HEBP2: variants seen among roughly 807,000 people sequenced by gnomAD.
HEBP2 encodes the protein heme binding protein 2.
Under a neutral mutation model 23.1 loss-of-function variants are expected in HEBP2, and 27 were observed. That is an observed-to-expected ratio of 1.17 (90% CI 0.86 to 1.61). The LOEUF (loss-of-function observed/expected upper bound fraction) is 1.61, where lower values mean the gene tolerates loss of function less well. HEBP2 is among the 40% of genes most tolerant of loss of function. HEBP2 has a pLI of 0.00. For missense variants in HEBP2, 245 were observed against 253.8 expected (o/e 0.97, Z 0.24); for synonymous variants, 99 against 95.1 (o/e 1.04, Z -0.24).
At chr6:138,411,974 G>A (rs1774753515) in intron 3 of HEBP2, 1 of 395,546 alleles carries the variant, frequency 2.5e-6, no homozygotes. Context: ...ACCTCAGGAT[G>A]TATAGAGAGA....
chr6:138,406,239 T>C, intron 3 of HEBP2, 88 bp downstream of exon 3: 1 of 1,163,742 alleles, frequency 8.6e-7, no homozygotes, highest in Non-Finnish European at 1.2e-6. Context: ...TTCAAAAGGC[T>C]TTTTCACCCT....
At position 138,413,095 on chromosome 6, in the gene HEBP2, T is replaced by C; in HGVS notation, c.*17T>C. 1 of 1,597,996 alleles carries C rather than the reference T, an allele frequency of 6.3e-7. No homozygotes were observed. Among genetic ancestry groups the C allele is most frequent in the Non-Finnish European group, 8.6e-7 (1 of 1,166,766 alleles). ...AACGAATGAGAAAAATGAAAGGAAG[T>C]TCTGCTGTCAGAGGCAAAACATCTG... On this transcript the variant is annotated 3_prime_UTR_variant, in exon 4 of 4. Coordinates refer to ENST00000607197, the MANE Select transcript of HEBP2 (RefSeq NM_014320.3).
rs892724196 is a variant in HEBP2 at position 138,421,121 on chromosome 6, C to G, written c.*8043C>G. On this transcript the variant is annotated 3_prime_UTR_variant, in exon 4 of 4. Coordinates refer to ENST00000607197, the MANE Select transcript of HEBP2 (RefSeq NM_014320.3). The stretch of plus-strand genomic sequence containing the variant: ...TTATTAAGGAAAGTGGCGCAACAAT[C>G]AGGTCCATGTTTCATTCAAATGACC... The G allele has an allele frequency of 4.6e-5, 7 of 152,190 alleles. No individual in the cohort carries two copies. The highest frequency in any genetic ancestry group is 1.7e-4 in the African/African-American group (7 of 41,436). The allele number at this position is 152,190 out of a possible 1,614,324, so 9.4% of individuals were successfully genotyped here.
At position 138,407,753 on chromosome 6, in the gene HEBP2, T is replaced by C. The variant is rs1210745237; in HGVS notation, c.419+1602T>C. On this transcript the variant is annotated intron_variant, in intron 3 of 3. Coordinates refer to ENST00000607197, the MANE Select transcript of HEBP2 (RefSeq NM_014320.3). Reference sequence around the variant, plus strand: ...GCAGCTCCATCCTTCAAGGTGGAGGTAGCCACACCCCCACAGCTCATGTAC... The same window carrying C: ...GCAGCTCCATCCTTCAAGGTGGAGGCAGCCACACCCCCACAGCTCATGTAC... 3.3e-5 allele frequency among the ~76,000 whole-genome samples: 5 copies of C among 152,140 alleles called. No homozygotes were observed. In the East Asian group the frequency reaches 9.6e-4, roughly 29 times the overall value.
rs1390441413 is a variant in HEBP2 at position 138,404,515 on chromosome 6, C to T, written c.20C>T (p.Pro7Leu). 3 of 1,315,554 alleles carry T rather than the reference C, an allele frequency of 2.3e-6. No homozygotes were observed. The highest frequency in any genetic ancestry group is 3.1e-5 in the East Asian group (1 of 32,118). The allele number at this position is 1,315,554 out of a possible 1,614,324, so 81.5% of individuals were successfully genotyped here. ...CCGCCCATGGCCGAGCCGCTCCAGCCAGACCCCGGGGCGGCCGAGGACGCG... is the reference window on the plus strand; with the variant it reads ...CCGCCCATGGCCGAGCCGCTCCAGCTAGACCCCGGGGCGGCCGAGGACGCG... MAEPLQ[P>L]DPGAAEDAAA... Residue 7 changes from proline to leucine, a missense_variant, in exon 1 of 4, where the codon CCA becomes CTA. Physicochemically the swap from Pro to Leu is moderately conservative, Grantham distance 98. Transcript: ENST00000607197.
Position 138,404,467 on chromosome 6 carries a change from AC to A in HEBP2, c.-27del. 1 of 1,251,778 alleles carries A rather than the reference AC, an allele frequency of 8.0e-7. No homozygotes were observed. The highest frequency in any genetic ancestry group is 1.0e-6 in the Non-Finnish European group (1 of 997,600). The allele number at this position is 1,251,778 out of a possible 1,614,324, so 77.5% of individuals were successfully genotyped here. On this transcript the variant is annotated 5_prime_UTR_variant, in exon 1 of 4. Coordinates refer to ENST00000607197, the MANE Select transcript of HEBP2 (RefSeq NM_014320.3). ...GGGGTGCGGGGCCTCTGCGCGGCTG[AC>A]CAGGCTCCCAGAGCGTCAGCGCCGC...
rs1774622313 is a variant in HEBP2 at position 138,405,198 on chromosome 6, C to G, written c.156C>G (p.Ser52=). Residue 52 remains serine (S), a synonymous_variant, in exon 2 of 4, where the codon TCC becomes TCG. Coordinates refer to ENST00000607197, the MANE Select transcript of HEBP2 (RefSeq NM_014320.3). ...HYGPAKWVST[S]VESMDWDSAI... is the part of the protein sequence containing the mutation. ...GACCAGCCAAGTGGGTCAGCACGTC[C>G]GTGGAGTCTATGGACTGGGATTCAG... is the stretch of plus-strand genomic sequence containing the variant. 6.2e-7 allele frequency: 1 copy of G among 1,614,112 alleles called. No homozygotes were observed. Among genetic ancestry groups the G allele is most frequent in the Admixed American group, 1.7e-5 (1 of 60,012 alleles).
intron 3 of HEBP2, among the ~76,000 whole-genome samples, chr6:138,410,452 T>C (rs1198944864): frequency 6.6e-6 from 1 of 151,800 alleles, no homozygotes; most frequent in Non-Finnish European, 1.5e-5. Context: ...AAATAAATAA[T>C]ACATTTAAGA....
intron 2 of HEBP2, among the ~76,000 whole-genome samples, 184 bp from the exon 3 acceptor site, chr6:138,405,787 T>C (rs1393986354): frequency 6.6e-6 from 1 of 152,170 alleles, no homozygotes; most frequent in Admixed American, 6.5e-5. Context: ...TTACAGAAAG[T>C]GGTTTAATGT....
chr6:138,410,722 G>A (rs989816189), intron 3 of HEBP2, among the ~76,000 whole-genome samples: 1 of 152,114 alleles, frequency 6.6e-6, no homozygotes, highest in Non-Finnish European at 1.5e-5. Flanking sequence ...CTGACCTCAG[G>A]TGATCCACCC....
chr6:138,406,050 C>A lies in HEBP2; in HGVS notation c.318C>A (p.Thr106=), dbSNP rs752232541. Residue 106 remains threonine, a synonymous_variant, in exon 3 of 4, where the codon ACC becomes ACA. Transcript: ENST00000607197. ...GSGPFSESTI[T]ISLYIPSEQQ... Reference sequence around the variant, plus strand: ...GTCCTTTTAGTGAGTCTACCATTACCATTTCCCTGTATATTCCCTCTGAAC... The same window carrying A: ...GTCCTTTTAGTGAGTCTACCATTACAATTTCCCTGTATATTCCCTCTGAAC... 6 of 1,613,962 alleles carry A rather than the reference C, an allele frequency of 3.7e-6. No individual in the cohort carries two copies. In the African/African-American group the frequency reaches 8.0e-5, roughly 22 times the overall value.
intron 3 of HEBP2, among the ~76,000 whole-genome samples, chr6:138,407,850 A>G (rs1416384597): frequency 2.6e-5 from 4 of 152,202 alleles, no homozygotes; most frequent in African/African-American, 9.7e-5. Flanking sequence ...CAGACATCAC[A>G]GCCCAGGCCA....
intron 3 of HEBP2, among the ~76,000 whole-genome samples, chr6:138,407,564 C>A (rs901768346): frequency 1.3e-5 from 2 of 152,222 alleles, no homozygotes; most frequent in African/African-American, 4.8e-5. Context: ...GTTGGAGGGA[C>A]CCCACCCTGC....
rs927128942 is a variant in HEBP2, at chr6:138,404,261, T to C, written c.-235T>C. On this transcript the variant is annotated 5_prime_UTR_variant, in exon 1 of 4. Transcript: ENST00000607197. ...GAGGGGCGGGGGCAGGACGCGCAACTCCGGCCGGAGCTGTCCGGGGTCGTG... is the reference window on the plus strand; with the variant it reads ...GAGGGGCGGGGGCAGGACGCGCAACCCCGGCCGGAGCTGTCCGGGGTCGTG... The C allele has an allele frequency of 1.9e-5, 6 of 320,432 alleles. No individual in the cohort carries two copies. Among genetic ancestry groups the C allele is most frequent in the South Asian group, 3.1e-4 (2 of 6,362 alleles). 19.8% of individuals were successfully genotyped at this position (320,432 alleles called of 1,614,324 possible). A position where few individuals can be genotyped will look rare whatever the true frequency, so the allele number is the denominator to read the frequency against.
chr6:138,416,006 A>T lies in HEBP2; in HGVS notation c.*2928A>T, dbSNP rs1367045574. ...TCCTGGCTACCAGGCCTATAACGAGACTTAAGTCACAACATAACTGATTGC... is the reference window on the plus strand; with the variant it reads ...TCCTGGCTACCAGGCCTATAACGAGTCTTAAGTCACAACATAACTGATTGC... On this transcript the variant is annotated 3_prime_UTR_variant, in exon 4 of 4. Coordinates refer to ENST00000607197, the MANE Select transcript of HEBP2 (RefSeq NM_014320.3). 1.3e-5 allele frequency: 2 copies of T among 152,206 alleles called. No individual in the cohort carries two copies. The highest frequency in any genetic ancestry group is 3.9e-4 in the East Asian group (2 of 5,186). The allele number at this position is 152,206 out of a possible 1,614,324, so 9.4% of individuals were successfully genotyped here.
At chr6:138,410,013 C>T (rs1400381771) in intron 3 of HEBP2, among the ~76,000 whole-genome samples, 1 of 152,168 alleles carries the variant, frequency 6.6e-6, no homozygotes, top group East Asian at 1.9e-4. Context: ...AGCTCTAGTA[C>T]TCTCTTTTTC....
intron 3 of HEBP2, chr6:138,412,048 T>G: frequency 2.2e-6 from 1 of 449,938 alleles, no homozygotes; most frequent in Non-Finnish European, 4.5e-6. Context: ...CTGTATCATA[T>G]TCATCTGTAA....
At chr6:138,404,139 C>T (rs1319037178), upstream of HEBP2, 1 of 229,250 alleles carries the variant, frequency 4.4e-6, no homozygotes, top group African/African-American at 2.3e-5. Flanking sequence ...GCGGGGCCAC[C>T]TGTGTGTGCC....
intron 2 of HEBP2, 136 bp downstream of exon 2, chr6:138,405,416 A>G (rs1774627629): frequency 1.8e-6 from 2 of 1,097,948 alleles, no homozygotes; most frequent in African/African-American, 1.6e-5. Flanking sequence ...TTGTTTTCAG[A>G]CAAGACTCCT....
Sources: allele counts gnomAD v4.1 joint callset (sites outside exome capture counted in the v4.1 genomes callset), GRCh38; gene constraint gnomAD v4.1.1; transcripts MANE v1.5; gene names NCBI Gene and HGNC (gene_info 2026-07-23, HGNC 2026-07-21).